The following GMDS variants were observed in gnomAD, a reference collection of about 807,000 sequenced individuals.
GMDS encodes the protein GDP-mannose 4,6 dehydratase.
A neutral mutation model predicts 49.9 loss-of-function variants in GMDS; 20 were observed. The ratio of observed to expected loss-of-function variants is 0.40; its 90% CI spans 0.28 to 0.58. GMDS has a LOEUF of 0.58. Among genes scored for constraint, GMDS ranks in the 20% least tolerant of loss-of-function variants. The probability of loss-of-function intolerance (pLI) is 0.42; values close to 1 mark genes in which losing one functional copy is unlikely to be tolerated. For missense variants in GMDS, 362 were observed against 481.4 expected (o/e 0.75, Z 2.32); for synonymous variants, 177 against 178.6 (o/e 0.99, Z 0.07).
intron 9 of GMDS, among the ~76,000 whole-genome samples, chr6:1,682,335 C>G (rs967399330): frequency 3.9e-5 from 6 of 152,214 alleles, no homozygotes; most frequent in African/African-American, 1.4e-4. Flanking sequence ...TGAGCCCAAA[C>G]GAGCTCCTCT....
chr6:2,109,331 G>A (rs533349519), intron 4 of GMDS, among the ~76,000 whole-genome samples: 5 of 152,324 alleles, frequency 3.3e-5, no homozygotes, highest in Admixed American at 3.3e-4. Context: ...AGGATGGTCA[G>A]GGGGCCTCAC....
chr6:1,691,255 A>G (rs1356079635), intron 9 of GMDS, among the ~76,000 whole-genome samples: 1 of 152,162 alleles, frequency 6.6e-6, no homozygotes, highest in Non-Finnish European at 1.5e-5. Context: ...AAACTAATGC[A>G]GGAACAGAAA....
At chr6:2,232,486 C>G (rs1348852341) in intron 1 of GMDS, among the ~76,000 whole-genome samples, 2 of 152,192 alleles carry the variant, frequency 1.3e-5, no homozygotes, top group Admixed American at 1.3e-4. Flanking sequence ...TGATCTACCA[C>G]TCACATCCAC....
At chr6:2,100,023 T>C (rs1773833045) in intron 4 of GMDS, among the ~76,000 whole-genome samples, 1 of 152,058 alleles carries the variant, frequency 6.6e-6, no homozygotes, top group African/African-American at 2.4e-5. Flanking sequence ...TCTTACCTGT[T>C]TCCCAAAGCC....
intron 3 of GMDS, 102 bp downstream of exon 3, chr6:2,117,367 T>A (rs879119553): frequency 2.7e-6 from 2 of 748,104 alleles, no homozygotes; most frequent in South Asian, 3.1e-5. Flanking sequence ...TTGTGACTTG[T>A]TGGGCTTTGA....
chr6:2,229,209 C>T (rs1780961988), intron 1 of GMDS, among the ~76,000 whole-genome samples: 1 of 152,090 alleles, frequency 6.6e-6, no homozygotes, highest in African/African-American at 2.4e-5. Flanking sequence ...TTCTCATTTC[C>T]AGAAGATCAT....
rs554147997 is a variant in GMDS, at chr6:2,141,855, G to C, written c.103-17124C>G. On this transcript the variant is annotated intron_variant, in intron 1 of 10. Coordinates refer to ENST00000380815, the MANE Select transcript of GMDS (RefSeq NM_001500.4). Reference sequence around the variant, plus strand: ...CACTGGGAAGTCTGGGTTTGGTTTTGGTTGTGCGTGCTCTCTCTCTCTCTC... The same window carrying C: ...CACTGGGAAGTCTGGGTTTGGTTTTCGTTGTGCGTGCTCTCTCTCTCTCTC... Among the ~76,000 whole-genome samples the C allele has an allele frequency of 2.3e-5, 3 of 129,632 alleles. No individual in the cohort carries two copies. In the East Asian group the frequency reaches 7.4e-4, roughly 32 times the overall value. 85.0% of individuals were successfully genotyped at this position (129,632 alleles called of 152,430 possible).
intron 7 of GMDS, among the ~76,000 whole-genome samples, chr6:1,795,339 C>T (rs1184506348): frequency 1.3e-5 from 2 of 152,138 alleles, no homozygotes; most frequent in African/African-American, 4.8e-5. Context: ...CACAAGGCAT[C>T]AAAATTACAC....
rs1762757045 is a variant in GMDS, at chr6:1,940,198, C to T, written c.644-9968G>A. On this transcript the variant is annotated intron_variant, in intron 6 of 10. Transcript: ENST00000380815. ...ATGTGCATGCATGCATGCATACATA[C>T]ATATCTAAACATTATCCATCCATAT... Among the ~76,000 whole-genome samples the T allele has an allele frequency of 1.3e-5, 2 of 152,244 alleles. 1 individual carries two copies. The highest frequency in any genetic ancestry group is 4.1e-4 in the South Asian group (2 of 4,834).
chr6:2,016,223 C>A (rs1767892864), intron 4 of GMDS, among the ~76,000 whole-genome samples: 1 of 149,748 alleles, frequency 6.7e-6, no homozygotes. Context: ...TGCGCCACTG[C>A]ACTCTAGCCT....
intron 9 of GMDS, among the ~76,000 whole-genome samples, chr6:1,636,631 G>A (rs752650737): frequency 6.6e-6 from 1 of 152,222 alleles, no homozygotes; most frequent in Non-Finnish European, 1.5e-5. Context: ...GGCTCCCATG[G>A]AGGGATGAGC....
At chr6:2,115,982 A>G in intron 3 of GMDS, 102 bp from the exon 4 acceptor site, 1 of 730,802 alleles carries the variant, frequency 1.4e-6, no homozygotes, top group South Asian at 1.6e-5. Context: ...TCTGAAAACC[A>G]GGGTCAAAAT....
intron 9 of GMDS, among the ~76,000 whole-genome samples, chr6:1,692,276 T>C (rs1046276321): frequency 1.3e-5 from 2 of 152,360 alleles, no homozygotes; most frequent in East Asian, 3.9e-4. Flanking sequence ...GGCTTCCTGG[T>C]TCCTCGGCTT....
intron 4 of GMDS, among the ~76,000 whole-genome samples, chr6:2,051,073 G>A (rs1214069822): frequency 3.9e-5 from 6 of 152,054 alleles, no homozygotes; most frequent in South Asian, 2.1e-4. Flanking sequence ...AAACCTGTAC[G>A]TTGTACACAT....
intron 7 of GMDS, among the ~76,000 whole-genome samples, chr6:1,924,844 G>T (rs748578923): frequency 1.3e-5 from 2 of 152,138 alleles, no homozygotes; most frequent in Non-Finnish European, 2.9e-5. Flanking sequence ...GGGCATAAAA[G>T]CAGGTTGTAG....
At chr6:2,015,329 A>G (rs1213702047) in intron 4 of GMDS, among the ~76,000 whole-genome samples, 4 of 152,228 alleles carry the variant, frequency 2.6e-5, no homozygotes, top group Non-Finnish European at 5.9e-5. Flanking sequence ...TTCAAAAAAC[A>G]GAAATTAAAC....
chr6:2,115,757 A>T lies in GMDS; in HGVS notation c.345+14T>A. 1 of 1,355,288 alleles carries T rather than the reference A, an allele frequency of 7.4e-7. No homozygotes were observed. Among genetic ancestry groups the T allele is most frequent in the South Asian group, 1.2e-5 (1 of 85,742 alleles). 84.0% of individuals were successfully genotyped at this position (1,355,288 alleles called of 1,614,324 possible). A position where few individuals can be genotyped will look rare whatever the true frequency, so the allele number is the denominator to read the frequency against. ...CAGAAACACGGCCAGAGAAATCCCA[A>T]TGAAAATGCTTACTTTGACGTGGCT... On this transcript the variant is annotated intron_variant, in intron 4 of 10. Coordinates refer to ENST00000380815, the MANE Select transcript of GMDS (RefSeq NM_001500.4).
intron 7 of GMDS, among the ~76,000 whole-genome samples, chr6:1,872,931 AG>A (rs1022975235): frequency 1.3e-5 from 2 of 152,256 alleles, no homozygotes; most frequent in African/African-American, 4.8e-5. Context: ...ACAGGGCTGC[AG>A]GAGCAGGAGG....
chr6:1,928,400 T>C (rs994310180), intron 7 of GMDS, among the ~76,000 whole-genome samples: 2 of 151,908 alleles, frequency 1.3e-5, no homozygotes, highest in African/African-American at 4.8e-5. Context: ...TAGCTTACTA[T>C]GTAGCTCTAT....
Sources: gnomAD v4.1 joint callset for allele counts (sites outside exome capture counted in the v4.1 genomes callset) on GRCh38, gnomAD v4.1.1 for gene constraint, MANE v1.5 for transcripts, NCBI Gene and HGNC (gene_info 2026-07-23, HGNC 2026-07-21) for gene names.